ERAP1: variants seen among roughly 807,000 people sequenced by gnomAD.
ERAP1 encodes the protein endoplasmic reticulum aminopeptidase 1.
In ERAP1, 86 loss-of-function variants were observed where a neutral mutation model predicts 103.7. The observed-to-expected ratio is 0.83, with a 90% CI of 0.70 to 0.99. The LOEUF is 0.99. ERAP1 is among the 50% of genes least tolerant of loss of function. The pLI, the probability that ERAP1 is intolerant of heterozygous loss-of-function variation, is 0.00. For missense variants in ERAP1, 1,009 were observed against 1,128.4 expected (o/e 0.89, Z 1.52); for synonymous variants, 398 against 402.4 (o/e 0.99, Z 0.13).
intron 4 of ERAP1, 129 bp from the exon 5 acceptor site, chr5:96,795,291 G>A: frequency 2.4e-6 from 3 of 1,250,074 alleles, no homozygotes; most frequent in Non-Finnish European, 3.4e-6. Context: ...AAATAATTGG[G>A]AATTCCATTT....
At chr5:96,850,375 A>T in the ERAP1 span, among the ~76,000 whole-genome samples, 1 of 152,210 alleles carries the variant, frequency 6.6e-6, no homozygotes, top group Non-Finnish European at 1.5e-5. Context: ...ATATTAAAAA[A>T]TCAAGCTGCT....
chr5:96,901,677 G>A, the ERAP1 span: 2 of 1,613,492 alleles, frequency 1.2e-6, no homozygotes. Context: ...GGCCCTGCAG[G>A]AGAGGTGGCT....
At chr5:96,863,536 C>T in the ERAP1 span, among the ~76,000 whole-genome samples, 2 of 152,116 alleles carry the variant, frequency 1.3e-5, no homozygotes, top group Non-Finnish European at 1.5e-5. Context: ...AATCCTCCCC[C>T]GTGCCCGATT....
chr5:96,912,568 A>C, the ERAP1 span: 1 of 1,262,556 alleles, frequency 7.9e-7, no homozygotes, highest in Non-Finnish European at 1.1e-6. Flanking sequence ...TATAGGACTT[A>C]AAATTGTCAT....
the ERAP1 span, among the ~76,000 whole-genome samples, chr5:96,930,526 TG>T: frequency 6.6e-6 from 1 of 152,222 alleles, no homozygotes; most frequent in African/African-American, 2.4e-5. Flanking sequence ...TGTCTGTTTC[TG>T]GCTTCTGGCT....
At chr5:96,912,912 T>A in the ERAP1 span, 1 of 810,034 alleles carries the variant, frequency 1.2e-6, no homozygotes, top group Non-Finnish European at 1.9e-6. Flanking sequence ...TCAGAATGTG[T>A]ATGGCTTTAA....
exon 20 of ERAP1, chr5:96,762,423 T>C: frequency 7.4e-7 from 1 of 1,352,170 alleles, no homozygotes; most frequent in African/African-American, 1.5e-5. Context: ...CAGCCACAAC[T>C]AGAAAGAAAA....
At chr5:96,847,173 G>C in the ERAP1 span, among the ~76,000 whole-genome samples, 1 of 151,140 alleles carries the variant, frequency 6.6e-6, no homozygotes, top group African/African-American at 2.4e-5. Flanking sequence ...GCTTGAACCC[G>C]GGAGGCGGAA....
chr5:96,819,537 AAAT>A, the ERAP1 span, among the ~76,000 whole-genome samples: 1 of 152,108 alleles, frequency 6.6e-6, no homozygotes, highest in Non-Finnish European at 1.5e-5. Flanking sequence ...GAGAGAGAGA[AAAT>A]AAAATGTTTT....
the ERAP1 span, among the ~76,000 whole-genome samples, chr5:96,898,505 A>G: frequency 6.6e-6 from 1 of 150,870 alleles, no homozygotes; most frequent in South Asian, 2.1e-4. Context: ...ACTTTGGGAG[A>G]CCGAGGTGGG....
At chr5:96,768,083 C>G (rs150256309) in intron 19 of ERAP1, 3 of 902,022 alleles carry the variant, frequency 3.3e-6, no homozygotes, top group African/African-American at 1.7e-5. Flanking sequence ...ATTGATTGAT[C>G]TATCTATCGG....
chr5:96,820,228 C>A, the ERAP1 span, among the ~76,000 whole-genome samples: 6 of 152,178 alleles, frequency 3.9e-5, no homozygotes, highest in African/African-American at 7.2e-5. Flanking sequence ...TATATTTAAT[C>A]TGGCAACTAA....
Position 96,781,134 on chromosome 5 carries a change from G to T in ERAP1, c.2512C>A (p.Leu838Ile). Residue 838 changes from leucine to isoleucine, a missense_variant, in exon 17 of 19, where the codon CTC becomes ATC. Physicochemically the swap from Leu to Ile is conservative, Grantham distance 5 (BLOSUM62 2). Coordinates refer to ENST00000443439, the MANE Select transcript of ERAP1 (RefSeq NM_001040458.3). ...TATCCTACTGGGTTCCTGCCAATGAGTGTAAGAATTTGTGGAAACTCCTGA... is the reference window on the plus strand; with the variant it reads ...TATCCTACTGGGTTCCTGCCAATGATTGTAAGAATTTGTGGAAACTCCTGA... ...KTQEFPQILT[L>I]IGRNPVGYPL... is the part of the protein sequence containing the mutation. 1 of 1,613,384 alleles carries T rather than the reference G, an allele frequency of 6.2e-7. No individual in the cohort carries two copies. The highest frequency in any genetic ancestry group is 1.1e-5 in the South Asian group (1 of 91,026).
At chr5:96,783,856 TACACAC>T (rs1311956389) in intron 14 of ERAP1, 62 bp downstream of exon 14, 2 of 351,734 alleles carry the variant, frequency 5.7e-6, no homozygotes, top group African/African-American at 8.4e-5. Context: ...CACACACACA[TACACAC>T]ACAATGATTA....
At chr5:96,763,251 A>G (rs774373776) in intron 19 of ERAP1, 12 of 780,702 alleles carry the variant, frequency 1.5e-5, no homozygotes, top group Admixed American at 3.4e-5. Flanking sequence ...AGAGGCACAA[A>G]TGACAAAGCC....
chr5:96,889,519 A>G, the ERAP1 span: 3 of 702,628 alleles, frequency 4.3e-6, no homozygotes, highest in Non-Finnish European at 7.6e-6. Context: ...CTATTCTTTT[A>G]TCAGGTTTAA....
Position 96,776,052 on chromosome 5 carries a change from G to C in ERAP1, c.*344C>G. On this transcript the variant is annotated 3_prime_UTR_variant, in exon 19 of 19. Coordinates refer to ENST00000443439, the MANE Select transcript of ERAP1 (RefSeq NM_001040458.3). Reference sequence around the variant, plus strand: ...TTCAGAGTCTTTCGAGGAGACTGATGAAACAGTTTATGAATGATAAACATG... The same window carrying C: ...TTCAGAGTCTTTCGAGGAGACTGATCAAACAGTTTATGAATGATAAACATG... 1.7e-6 allele frequency: 2 copies of C among 1,203,480 alleles called. No homozygotes were observed. The highest frequency in any genetic ancestry group is 1.1e-6 in the Non-Finnish European group (1 of 949,166). 74.6% of individuals were successfully genotyped at this position (1,203,480 alleles called of 1,614,324 possible).
In ERAP1 at chr5:96,803,677, T is replaced by C. The variant is rs750744393; in HGVS notation, c.250A>G (p.Ile84Val). 16 of 1,614,060 alleles carry C rather than the reference T, an allele frequency of 9.9e-6. No individual in the cohort carries two copies. Among genetic ancestry groups the C allele is most frequent in the Non-Finnish European group, 1.2e-5 (14 of 1,180,012 alleles). The change falls in exon 2 of 19, where the codon ATC becomes GTC. Residue 84 changes from isoleucine (I) to valine (V), a missense_variant. Around this residue, in one of 3 missense-constraint regions of ERAP1, gnomAD observed 392 missense variants for 455.2 expected, o/e 0.86. Transcript: ENST00000443439. ...GTGCTGGTGGGCTGACTGGCTGTGATTTCTACTTTCGTGGTTCCCCAGAAG... is the reference window on the plus strand; with the variant it reads ...GTGCTGGTGGGCTGACTGGCTGTGACTTCTACTTTCGTGGTTCCCCAGAAG... ...LTFWGTTKVE[I>V]TASQPTSTII... is the part of the protein sequence containing the mutation.
chr5:96,857,691 T>A, the ERAP1 span, among the ~76,000 whole-genome samples: 1 of 152,234 alleles, frequency 6.6e-6, no homozygotes, highest in Non-Finnish European at 1.5e-5. Context: ...TATGCTGAAT[T>A]GCTACTCTAT....
Sources: gnomAD v4.1 joint callset for allele counts (sites outside exome capture counted in the v4.1 genomes callset) on GRCh38, gnomAD v4.1.1 for gene constraint, gnomAD v4.1.1 regional missense constraint, MANE v1.5 for transcripts, NCBI Gene and HGNC (gene_info 2026-07-23, HGNC 2026-07-21) for gene names.